SLAMF7: variants seen among roughly 807,000 people sequenced by gnomAD.
SLAMF7 encodes 19A24 protein.
SLAMF7 carries 26 observed loss-of-function variants against 34.1 expected under a neutral mutation model. That is an observed-to-expected ratio of 0.76 (90% CI 0.56 to 1.06). The LOEUF (loss-of-function observed/expected upper bound fraction) is 1.06. Among genes scored for constraint, SLAMF7 ranks in the 50% least tolerant of loss-of-function variants. SLAMF7 has a pLI of 0.00. For missense variants in SLAMF7, 399 were observed against 402.5 expected, an observed-to-expected ratio of 0.99 and a Z score of 0.07; for synonymous variants, 171 against 156.4, an observed-to-expected ratio of 1.09 and a Z score of -0.70.
chr1:160,739,489 A>T lies in SLAMF7; in HGVS notation c.55+133A>T, dbSNP rs555046020. 3 of 739,144 alleles carry T rather than the reference A, an allele frequency of 4.1e-6. No individual in the cohort carries two copies. In the East Asian group the frequency reaches 7.9e-5, roughly 19 times the overall value. The allele number at this position is 739,144 out of a possible 1,614,324, so 45.8% of individuals were successfully genotyped here. ...TCTCATCTAACATTTGCTTTTTATCAATCTCTGATCTCTGATTCTCAGGTC... is the reference window on the plus strand; with the variant it reads ...TCTCATCTAACATTTGCTTTTTATCTATCTCTGATCTCTGATTCTCAGGTC... On this transcript the variant is annotated intron_variant, in intron 1 of 6. Coordinates refer to ENST00000368043, the MANE Select transcript of SLAMF7 (RefSeq NM_021181.5).
chr1:160,739,384 C>A (rs375178736), intron 1 of SLAMF7, 28 bp downstream of exon 1: 70 of 1,598,630 alleles, frequency 4.4e-5, no homozygotes, highest in Non-Finnish European at 5.7e-5. Flanking sequence ...CTCTTCCACT[C>A]TCCTGTCTAC....
chr1:160,750,541 T>G lies in SLAMF7; in HGVS notation c.769+118T>G, dbSNP rs1571126883. 4 of 1,217,070 alleles carry G rather than the reference T, an allele frequency of 3.3e-6. No individual in the cohort carries two copies. The East Asian group carries it at 7.2e-5, about 22-fold the overall frequency. 75.4% of individuals were successfully genotyped at this position (1,217,070 alleles called of 1,614,324 possible). A position where few individuals can be genotyped will look rare whatever the true frequency, so the allele number is the denominator to read the frequency against. The stretch of plus-strand genomic sequence containing the variant: ...GCATGAGGTGTTGAAGATGCAGAGA[T>G]GAAGAAGCCACAGTCTCTGCCCTCA... On this transcript the variant is annotated intron_variant, in intron 4 of 6. Transcript: ENST00000368043.
chr1:160,744,973 A>G (rs962813285), intron 1 of SLAMF7, among the ~76,000 whole-genome samples: 1 of 152,242 alleles, frequency 6.6e-6, no homozygotes, highest in Non-Finnish European at 1.5e-5. Context: ...AAGGAAGCAT[A>G]GAGAACAGTT....
intron 1 of SLAMF7, among the ~76,000 whole-genome samples, chr1:160,746,929 G>T (rs1167306794): frequency 6.6e-6 from 1 of 152,126 alleles, no homozygotes; most frequent in East Asian, 1.9e-4. Context: ...CCATGGGTGT[G>T]TTTTTTACTA....
At position 160,751,386 on chromosome 1, in the gene SLAMF7, A is replaced by G. The variant is rs975395265; in HGVS notation, c.811A>G (p.Thr271Ala). The G allele has an allele frequency of 6.2e-7, 1 of 1,613,550 alleles. No homozygotes were observed. Among genetic ancestry groups the G allele is most frequent in the Admixed American group, 1.7e-5 (1 of 59,972 alleles). ...EKKRVDICRE[T>A]PNICPHSGEN... Reference sequence around the variant, plus strand: ...GAAGAGAGTGGACATTTGTCGGGAAACTCCTAACATATGCCCCCATTCTGG... The same window carrying G: ...GAAGAGAGTGGACATTTGTCGGGAAGCTCCTAACATATGCCCCCATTCTGG... The change falls in exon 5 of 7, where the codon ACT becomes GCT. Residue 271 changes from threonine (T) to alanine (A), a missense_variant. By Grantham distance (58) the Thr-to-Ala change is moderately conservative. Coordinates refer to ENST00000368043, the MANE Select transcript of SLAMF7 (RefSeq NM_021181.5).
chr1:160,743,674 G>A (rs952620238), intron 1 of SLAMF7, among the ~76,000 whole-genome samples: 3 of 152,184 alleles, frequency 2.0e-5, no homozygotes, highest in African/African-American at 7.2e-5. Context: ...CAATCCTCTC[G>A]AGTCTTGTGG....
At position 160,753,909 on chromosome 1, in the gene SLAMF7, A is replaced by G. The variant is rs1664826083; in HGVS notation, c.*732A>G. 1 of 152,452 alleles carries G rather than the reference A, an allele frequency of 6.6e-6. No homozygotes were observed. Among genetic ancestry groups the G allele is most frequent in the African/African-American group, 2.4e-5 (1 of 41,462 alleles). The allele number at this position is 152,452 out of a possible 1,614,324, so 9.4% of individuals were successfully genotyped here. A position where few individuals can be genotyped will look rare whatever the true frequency, so the allele number is the denominator to read the frequency against. On this transcript the variant is annotated 3_prime_UTR_variant, in exon 7 of 7. Coordinates refer to ENST00000368043, the MANE Select transcript of SLAMF7 (RefSeq NM_021181.5). ...GTTTGGCAGATACTATAATGGAGAC[A>G]CAGAAGTGTGCATGGCCCAAGGACA...
intron 5 of SLAMF7, 57 bp from the exon 6 acceptor site, chr1:160,752,129 C>G: frequency 1.4e-6 from 2 of 1,389,682 alleles, no homozygotes; most frequent in Non-Finnish European, 1.0e-6. Flanking sequence ...CTGGCCTTGT[C>G]TATGTGATTC....
intron 1 of SLAMF7, among the ~76,000 whole-genome samples, chr1:160,740,615 G>A (rs1326730006): frequency 6.6e-6 from 1 of 152,144 alleles, no homozygotes; most frequent in East Asian, 1.9e-4. Flanking sequence ...TATTATTGTA[G>A]GCAAATTACT....
chr1:160,741,897 TC>T (rs1256224009), intron 1 of SLAMF7, among the ~76,000 whole-genome samples: 2 of 152,238 alleles, frequency 1.3e-5, no homozygotes, highest in Non-Finnish European at 2.9e-5. Flanking sequence ...GACTAAGTAA[TC>T]CCTAAGACTC....
chr1:160,751,773 T>A, intron 5 of SLAMF7: 1 of 191,522 alleles, frequency 5.2e-6, no homozygotes, highest in Non-Finnish European at 1.1e-5. Context: ...AGTGTGACTT[T>A]GACAGGATGT....
chr1:160,739,296 A>G lies in SLAMF7; in HGVS notation c.-6A>G, dbSNP rs753023011. 1.2e-6 allele frequency: 2 copies of G among 1,613,858 alleles called. No homozygotes were observed. The highest frequency in any genetic ancestry group is 1.7e-6 in the Non-Finnish European group (2 of 1,179,824). On this transcript the variant is annotated 5_prime_UTR_variant, in exon 1 of 7. Transcript: ENST00000368043. The stretch of plus-strand genomic sequence containing the variant: ...TCATTTCAGTGGCTGACTTCCAGAG[A>G]GCAATATGGCTGGTTCCCCAACATG...
chr1:160,739,182 A>G, upstream of SLAMF7: 1 of 874,630 alleles, frequency 1.1e-6, no homozygotes. Context: ...GCAATTACTC[A>G]ATCTCACATG....
chr1:160,742,218 C>A (rs1320672778), intron 1 of SLAMF7, among the ~76,000 whole-genome samples: 1 of 152,138 alleles, frequency 6.6e-6, no homozygotes, highest in Non-Finnish European at 1.5e-5. Context: ...TGACAAAGGG[C>A]AGGACCTGTT....
Position 160,753,100 on chromosome 1 carries a change from C to G in SLAMF7, c.937-6C>G. ...CTCACTCTACTTTCTTTTTGTCTGT[C>G]TTCAGATGGAAAATCCCCACTCACT... On this transcript the variant is annotated splice_polypyrimidine_tract_variant and splice_region_variant and intron_variant, in intron 6 of 6. Coordinates refer to ENST00000368043, the MANE Select transcript of SLAMF7 (RefSeq NM_021181.5). 6.2e-7 allele frequency: 1 copy of G among 1,613,514 alleles called. No homozygotes were observed. Among genetic ancestry groups the G allele is most frequent in the Non-Finnish European group, 8.5e-7 (1 of 1,179,800 alleles).
intron 6 of SLAMF7, 27 bp from the exon 7 acceptor site, chr1:160,753,079 C>A: frequency 6.2e-7 from 1 of 1,609,358 alleles, no homozygotes; most frequent in Non-Finnish European, 8.5e-7. Context: ...ACCTCCCTCA[C>A]TCTACTTTCT....
chr1:160,743,016 T>C (rs141728285), intron 1 of SLAMF7, among the ~76,000 whole-genome samples: 13 of 152,286 alleles, frequency 8.5e-5, no homozygotes, highest in African/African-American at 2.4e-4. Flanking sequence ...CTCTGCCACA[T>C]GCTGGAGGAG....
intron 2 of SLAMF7, among the ~76,000 whole-genome samples, chr1:160,749,134 C>T (rs536677923): frequency 6.6e-6 from 1 of 152,250 alleles, no homozygotes; most frequent in Admixed American, 6.5e-5. Flanking sequence ...TCCAGACTTG[C>T]TTGTAGGAGG....
At chr1:160,752,798 C>A (rs561965067) in intron 6 of SLAMF7, among the ~76,000 whole-genome samples, 1 of 152,126 alleles carries the variant, frequency 6.6e-6, no homozygotes, top group South Asian at 2.1e-4. Flanking sequence ...CTCTCCCAAA[C>A]AGATCCAAAA....
Sources: allele counts gnomAD v4.1 joint callset (sites outside exome capture counted in the v4.1 genomes callset), GRCh38; gene constraint gnomAD v4.1.1; transcripts MANE v1.5; gene names NCBI Gene and HGNC (gene_info 2026-07-23, HGNC 2026-07-21).